Variants in KAT6A observed in about 807,000 individuals in gnomAD.
KAT6A encodes histone acetyltransferase KAT6A.
Under a neutral mutation model 198.4 loss-of-function variants are expected in KAT6A, and 9 were observed. That is an observed-to-expected ratio of 0.05 (90% CI 0.03 to 0.08). The LOEUF is 0.08. Among genes scored for constraint, KAT6A ranks in the 10% least tolerant of loss-of-function variants. The probability of loss-of-function intolerance (pLI) is 1.00; values close to 1 mark genes in which losing one functional copy is unlikely to be tolerated. For synonymous variants in KAT6A, 890 were observed against 883.0 expected (o/e 1.01, Z -0.14); for missense variants, 2,077 against 2,509.9 (o/e 0.83, Z 3.69).
In KAT6A at chr8:41,990,258, T is replaced by C. The variant is rs1057294719; in HGVS notation, c.601-2695A>G. Among the ~76,000 whole-genome samples, 8 of 152,274 alleles carry C rather than the reference T, an allele frequency of 5.3e-5. No homozygotes were observed. The East Asian group carries it at 1.3e-3, about 26-fold the overall frequency. On this transcript the variant is annotated intron_variant, in intron 2 of 16. Transcript: ENST00000265713. ...GGGATGTGATCTATAATCCAGGCCA[T>C]GAGCAAAGAAGGACTGTATTAAGGC...
intron 8 of KAT6A, among the ~76,000 whole-genome samples, chr8:41,956,328 C>T (rs964112054): frequency 6.6e-6 from 1 of 152,110 alleles, no homozygotes; most frequent in Non-Finnish European, 1.5e-5. Context: ...TCTACAAATA[C>T]TAACTGACAA....
chr8:41,990,119 G>C (rs918680529), intron 2 of KAT6A, among the ~76,000 whole-genome samples: 1 of 152,030 alleles, frequency 6.6e-6, no homozygotes, highest in Non-Finnish European at 1.5e-5. Flanking sequence ...TGAGATTTGA[G>C]CTTTATTCTG....
chr8:41,976,143 G>A (rs1564033810), intron 7 of KAT6A, among the ~76,000 whole-genome samples: 1 of 152,174 alleles, frequency 6.6e-6, no homozygotes, highest in Non-Finnish European at 1.5e-5. Flanking sequence ...TGAGAGCAGT[G>A]AATACACTCT....
At chr8:42,042,135 C>T (rs551303351) in intron 2 of KAT6A, among the ~76,000 whole-genome samples, 131 of 152,236 alleles carry the variant, frequency 8.6e-4, no homozygotes, top group Non-Finnish European at 1.7e-3. Flanking sequence ...TAAATCAAAA[C>T]TTCATCACTC....
chr8:41,931,797 A>T lies in KAT6A; in HGVS notation c.*408T>A, dbSNP rs748231654. ...GGTTAACCCTTGAGATGTATATAACATTTAAAAATGACAACATTGGGAGCT... is the reference window on the plus strand; with the variant it reads ...GGTTAACCCTTGAGATGTATATAACTTTTAAAAATGACAACATTGGGAGCT... On this transcript the variant is annotated 3_prime_UTR_variant, in exon 17 of 17. Coordinates refer to ENST00000265713, the MANE Select transcript of KAT6A (RefSeq NM_006766.5). The T allele has an allele frequency of 5.5e-4, 118 of 214,226 alleles. No homozygotes were observed. The highest frequency in any genetic ancestry group is 9.7e-4 in the Non-Finnish European group (103 of 105,900). The allele number at this position is 214,226 out of a possible 1,614,324, so 13.3% of individuals were successfully genotyped here.
Position 41,986,587 on chromosome 8 carries a change from AT to A in KAT6A, c.709+867del, listed in dbSNP as rs538147793. On this transcript the variant is annotated intron_variant, in intron 3 of 16. Coordinates refer to ENST00000265713, the MANE Select transcript of KAT6A (RefSeq NM_006766.5). Reference sequence around the variant, plus strand: ...AACCCACAGAAAGTGTTTTATATATATAAAAAAAAACTAAGACCTGATTTAA... The same window carrying A: ...AACCCACAGAAAGTGTTTTATATATAAAAAAAAAACTAAGACCTGATTTAA... 4.9e-3 allele frequency among the ~76,000 whole-genome samples: 747 copies of A among 152,282 alleles called. 8 individuals carry two copies. Among genetic ancestry groups the A allele is most frequent in the African/African-American group, 0.016 (673 of 41,532 alleles).
chr8:41,979,060 G>C (rs528197215), intron 5 of KAT6A, among the ~76,000 whole-genome samples: 3 of 152,270 alleles, frequency 2.0e-5, no homozygotes, highest in African/African-American at 7.2e-5. Flanking sequence ...CTGAGGTCAG[G>C]AGTTTAAGAC....
chr8:42,040,135 C>T (rs1827580242), intron 2 of KAT6A, among the ~76,000 whole-genome samples: 1 of 151,804 alleles, frequency 6.6e-6, no homozygotes, highest in East Asian at 1.9e-4. Context: ...TCTTTTGAGA[C>T]TTCAATAAGA....
At chr8:41,962,438 G>A (rs560559791) in intron 8 of KAT6A, among the ~76,000 whole-genome samples, 1 of 151,960 alleles carries the variant, frequency 6.6e-6, no homozygotes, top group Non-Finnish European at 1.5e-5. Context: ...TTCTGGCATC[G>A]TCTCGGACTC....
At chr8:41,956,005 A>T (rs1333365481) in intron 8 of KAT6A, among the ~76,000 whole-genome samples, 2 of 152,236 alleles carry the variant, frequency 1.3e-5, no homozygotes, top group Non-Finnish European at 2.9e-5. Flanking sequence ...CCAAAGAAAG[A>T]CACTCTGTTA....
In KAT6A at chr8:41,931,628, T is replaced by TTAA. The variant is rs528672401; in HGVS notation, c.*574_*576dup. 141 of 186,530 alleles carry TTAA rather than the reference T, an allele frequency of 7.6e-4. No homozygotes were observed. The highest frequency in any genetic ancestry group is 1.7e-3 in the East Asian group (20 of 11,620). The allele number at this position is 186,530 out of a possible 1,614,324, so 11.6% of individuals were successfully genotyped here. Reference sequence around the variant, plus strand: ...AGAAGCATTTTCCTGCCTCACTTTATTAATAATAATAATAATAATATTAAC... The same window carrying TTAA: ...AGAAGCATTTTCCTGCCTCACTTTATTAATAATAATAATAATAATAATATTAAC... On this transcript the variant is annotated 3_prime_UTR_variant, in exon 17 of 17. Coordinates refer to ENST00000265713, the MANE Select transcript of KAT6A (RefSeq NM_006766.5).
intron 10 of KAT6A, among the ~76,000 whole-genome samples, chr8:41,949,011 C>G (rs1384650305): frequency 6.6e-6 from 1 of 152,142 alleles, no homozygotes; most frequent in Non-Finnish European, 1.5e-5. Flanking sequence ...TGCCATATTT[C>G]ATAGATTCTA....
At chr8:41,935,138 C>G (rs571387336) in intron 16 of KAT6A, among the ~76,000 whole-genome samples, 24 of 152,330 alleles carry the variant, frequency 1.6e-4, no homozygotes, top group African/African-American at 5.8e-4. Flanking sequence ...AGACTACCAT[C>G]ATCAGCTGCA....
chr8:41,941,592 G>T, intron 14 of KAT6A, 148 bp from the exon 15 acceptor site: 1 of 779,500 alleles, frequency 1.3e-6, no homozygotes, highest in Non-Finnish European at 2.0e-6. Flanking sequence ...GATATTTCCT[G>T]TTTCAGCACT....
At chr8:41,979,263 G>A (rs1049240589) in intron 5 of KAT6A, among the ~76,000 whole-genome samples, 7 of 150,986 alleles carry the variant, frequency 4.6e-5, no homozygotes, top group South Asian at 4.2e-4. Flanking sequence ...GTGAGACTCC[G>A]TCTCAAAAAA....
Position 41,987,561 on chromosome 8 carries a change from C to T in KAT6A, c.603G>A (p.Pro201=), listed in dbSNP as rs148925079. The change falls in exon 3 of 17, where the codon CCG becomes CCA. Residue 201 remains proline (P), a splice_region_variant and synonymous_variant. Coordinates refer to ENST00000265713, the MANE Select transcript of KAT6A (RefSeq NM_006766.5). ...VSLLPHEKDK[P]VAEPIPICSF... ...TACAGATGGGGATTGGTTCAGCAAC[C>T]GGCTGTGAAGAAAAACACAATTCAT... The T allele has an allele frequency of 1.7e-4, 269 of 1,590,080 alleles. No individual in the cohort carries two copies. Among genetic ancestry groups the T allele is most frequent in the Non-Finnish European group, 2.1e-4 (239 of 1,159,314 alleles).
At chr8:41,943,099 G>A in intron 13 of KAT6A, 99 bp from the exon 14 acceptor site, 1 of 1,468,530 alleles carries the variant, frequency 6.8e-7, no homozygotes, top group Admixed American at 1.9e-5. Context: ...TAAGATGATA[G>A]GTGCTGCAAA....
intron 2 of KAT6A, among the ~76,000 whole-genome samples, chr8:42,041,390 G>A (rs1827659643): frequency 6.6e-6 from 1 of 152,060 alleles, no homozygotes; most frequent in African/African-American, 2.4e-5. Flanking sequence ...CTAGGCCACT[G>A]CTCCTGGTAC....
Position 41,955,374 on chromosome 8 carries a change from C to A in KAT6A, c.1520G>T (p.Arg507Leu). 1 of 1,612,630 alleles carries A rather than the reference C, an allele frequency of 6.2e-7. No homozygotes were observed. Among genetic ancestry groups the A allele is most frequent in the Non-Finnish European group, 8.5e-7 (1 of 1,179,296 alleles). ...GVTGPPDPQV[R>L]CPSVIEFGKY... ...CCCAAACTCAATGACAGAGGGACAG[C>A]GGACTTGTGGATCAGGGGGACCAGT... The change falls in exon 9 of 17, where the codon CGC becomes CTC. Residue 507 changes from arginine to leucine, a missense_variant. By Grantham distance (102) the Arg-to-Leu change is moderately radical (BLOSUM62 -2). This residue lies in a region of KAT6A where 206 missense variants were observed against 214.9 expected (regional missense o/e 0.96). Transcript: ENST00000265713.
Sources: allele counts gnomAD v4.1 joint callset (sites outside exome capture counted in the v4.1 genomes callset), GRCh38; gene constraint gnomAD v4.1.1; regional missense constraint gnomAD v4.1.1; transcripts MANE v1.5; gene names NCBI Gene and HGNC (gene_info 2026-07-23, HGNC 2026-07-21).